The following STAC variants were observed in gnomAD, a reference collection of about 807,000 sequenced individuals.
The protein encoded by STAC is SH3 and cysteine-rich domain-containing protein.
STAC carries 43 observed loss-of-function variants against 48.8 expected under a neutral mutation model. That is an observed-to-expected ratio of 0.88 (90% confidence interval 0.69 to 1.14). The LOEUF is 1.14. Among genes scored for constraint, STAC ranks in the 50% most tolerant of loss-of-function variants. STAC has a pLI of 0.00. For missense variants in STAC, 497 were observed against 504.0 expected (o/e 0.99, Z 0.13); for synonymous variants, 193 against 179.5 (o/e 1.07, Z -0.60).
chr3:36,435,005 C>G (rs73065704), intron 1 of STAC, among the ~76,000 whole-genome samples: 12,985 of 152,194 alleles, frequency 0.085, 606 homozygotes, highest in African/African-American at 0.13. Context: ...GCTTTAAGAG[C>G]TTTGGAGACA....
chr3:36,391,662 C>T (rs750284402), intron 1 of STAC, among the ~76,000 whole-genome samples: 6 of 152,132 alleles, frequency 3.9e-5, no homozygotes, highest in East Asian at 1.9e-4. Context: ...TCAACCAATC[C>T]GGAAAACCAG....
chr3:36,482,252 C>A (rs1295427884), intron 2 of STAC, among the ~76,000 whole-genome samples: 6 of 152,184 alleles, frequency 3.9e-5, no homozygotes. Flanking sequence ...CACCTGCCAT[C>A]TTCCTGAAGC....
At chr3:36,419,303 G>A (rs1253487819) in intron 1 of STAC, among the ~76,000 whole-genome samples, 1 of 151,928 alleles carries the variant, frequency 6.6e-6, no homozygotes, top group African/African-American at 2.4e-5. Context: ...GCTTTAGTGT[G>A]GCTCTTTGAA....
At chr3:36,467,437 T>A (rs1156366719) in intron 2 of STAC, among the ~76,000 whole-genome samples, 1 of 152,038 alleles carries the variant, frequency 6.6e-6, no homozygotes, top group Admixed American at 6.5e-5. Context: ...TCTTTGAATG[T>A]CTCTGATAGA....
intron 1 of STAC, among the ~76,000 whole-genome samples, chr3:36,438,573 T>C (rs929764202): frequency 2.0e-5 from 3 of 152,236 alleles, no homozygotes; most frequent in Non-Finnish European, 4.4e-5. Flanking sequence ...AGGTATTTCT[T>C]TTAAGATTCC....
At chr3:36,479,113 T>A (rs1697573848) in intron 2 of STAC, among the ~76,000 whole-genome samples, 1 of 152,204 alleles carries the variant, frequency 6.6e-6, no homozygotes, top group Admixed American at 6.5e-5. Flanking sequence ...TAGTCTCTCA[T>A]TTTTCTGAGT....
Position 36,485,013 on chromosome 3 carries a change from C to G in STAC, c.526C>G (p.Leu176Val). The change falls in exon 4 of 11, where the codon CTC becomes GTC. Residue 176 changes from leucine (L) to valine (V), a missense_variant. Coordinates refer to ENST00000273183, the MANE Select transcript of STAC (RefSeq NM_003149.3). ...TCGGCGTTACTACAGCTCCCCCTTG[C>G]TCATTCATGAACAGTTTGGCTGCAT... Reference protein sequence around the residue: ...GFRRYYSSPLLIHEQFGCIKE... With the variant: ...GFRRYYSSPLVIHEQFGCIKE... The G allele has an allele frequency of 6.2e-7, 1 of 1,605,026 alleles. No individual in the cohort carries two copies. Among genetic ancestry groups the G allele is most frequent in the South Asian group, 1.1e-5 (1 of 89,160 alleles).
In STAC at chr3:36,432,283, C is replaced by A. The variant is rs1700724929; in HGVS notation, c.112-11081C>A. 1.3e-5 allele frequency among the ~76,000 whole-genome samples: 2 copies of A among 152,226 alleles called. 1 individual carries two copies. Among genetic ancestry groups the A allele is most frequent in the South Asian group, 4.1e-4 (2 of 4,828 alleles). ...AGAAGTTAAATAACTTTCCTACACT[C>A]ACACTGCTGGAGACCAGCAGAGCTG... is the stretch of plus-strand genomic sequence containing the variant. On this transcript the variant is annotated intron_variant, in intron 1 of 10. Coordinates refer to ENST00000273183, the MANE Select transcript of STAC (RefSeq NM_003149.3).
At chr3:36,504,598 C>A (rs879376088) in intron 7 of STAC, 141 bp downstream of exon 7, 12 of 667,848 alleles carry the variant, frequency 1.8e-5, no homozygotes, top group Admixed American at 2.5e-5. Flanking sequence ...GCACAACGTA[C>A]CATAGCATGG....
At chr3:36,390,590 G>A (rs768932297) in intron 1 of STAC, among the ~76,000 whole-genome samples, 10 of 150,682 alleles carry the variant, frequency 6.6e-5, no homozygotes, top group Non-Finnish European at 1.3e-4. Context: ...ATAAACTCCC[G>A]GGTTTTGATT....
chr3:36,482,244 C>A (rs149081938), intron 2 of STAC, among the ~76,000 whole-genome samples: 15 of 152,270 alleles, frequency 9.9e-5, no homozygotes, highest in Non-Finnish European at 1.9e-4. Context: ...GTGTGCAGCA[C>A]CTGCCATCTT....
At chr3:36,527,984 A>G (rs1036347438) in intron 8 of STAC, among the ~76,000 whole-genome samples, 4 of 152,122 alleles carry the variant, frequency 2.6e-5, no homozygotes, top group Admixed American at 2.6e-4. Context: ...TGATAAAGAT[A>G]ATGACCAATT....
Position 36,443,352 on chromosome 3 carries a change from A to T in STAC, c.112-12A>T. The T allele has an allele frequency of 6.2e-7, 1 of 1,614,028 alleles. No individual in the cohort carries two copies. The highest frequency in any genetic ancestry group is 8.5e-7 in the Non-Finnish European group (1 of 1,179,986). The stretch of plus-strand genomic sequence containing the variant: ...TGATCGTAAGAGAGACTGTTCTGTC[A>T]TTGCATTGCAGCTCCAGAAACTAAA... On this transcript the variant is annotated splice_polypyrimidine_tract_variant and intron_variant, in intron 1 of 10. Transcript: ENST00000273183. This position sits in a 1 kb window ranked among gnomAD's most constrained non-coding sequence, Gnocchi z 4.2.
intron 2 of STAC, among the ~76,000 whole-genome samples, chr3:36,458,446 G>A (rs147048754): frequency 9.2e-5 from 14 of 152,264 alleles, no homozygotes; most frequent in South Asian, 4.1e-4. Flanking sequence ...TAGGTCTCCC[G>A]TTGGGATGAT....
At chr3:36,504,479 G>C in intron 7 of STAC, 22 bp downstream of exon 7, 1 of 1,611,800 alleles carries the variant, frequency 6.2e-7, no homozygotes, top group Non-Finnish European at 8.5e-7. Context: ...TGTCACAGAA[G>C]ACAAGTCAGA....
intron 2 of STAC, among the ~76,000 whole-genome samples, chr3:36,449,619 G>A (rs971449626): frequency 2.6e-5 from 4 of 152,156 alleles, no homozygotes; most frequent in Admixed American, 2.6e-4. Flanking sequence ...TATGCCTGCT[G>A]CCAAGTACTG....
intron 10 of STAC, 148 bp downstream of exon 10, chr3:36,529,133 T>A: frequency 1.2e-6 from 1 of 856,082 alleles, no homozygotes; most frequent in Admixed American, 3.3e-5. Context: ...ATGATGTCAG[T>A]GTTGTAGGAG....
chr3:36,467,247 A>C (rs1697203311), intron 2 of STAC, among the ~76,000 whole-genome samples: 1 of 152,064 alleles, frequency 6.6e-6, no homozygotes, highest in Non-Finnish European at 1.5e-5. Context: ...CTGGTTCACT[A>C]GTATTTTGTT....
chr3:36,466,796 C>T (rs778773260), intron 2 of STAC, among the ~76,000 whole-genome samples: 13 of 152,156 alleles, frequency 8.5e-5, no homozygotes, highest in Admixed American at 3.9e-4. Context: ...CAGCAAATAG[C>T]GACAGTTTGA....
Sources: allele counts gnomAD v4.1 joint callset (sites outside exome capture counted in the v4.1 genomes callset), GRCh38; gene constraint gnomAD v4.1.1; non-coding constraint Gnocchi (gnomAD v3.1); transcripts MANE v1.5; gene names NCBI Gene and HGNC (gene_info 2026-07-23, HGNC 2026-07-21).